Variants in SMARCAL1 observed in about 807,000 individuals in gnomAD.
SMARCAL1 encodes the protein ATP-driven annealing helicase.
In SMARCAL1, 58 loss-of-function variants were observed where a neutral mutation model predicts 94.5. The ratio of observed to expected loss-of-function variants is 0.61; its 90% CI spans 0.50 to 0.76. SMARCAL1 has a LOEUF of 0.76. Ranked by LOEUF, SMARCAL1 falls within the 30% of genes least tolerant of loss-of-function variation. The pLI, the probability that SMARCAL1 is intolerant of heterozygous loss-of-function variation, is 0.00. For missense variants in SMARCAL1, 1,051 were observed against 1,177.9 expected, an observed-to-expected ratio of 0.89 and a Z score of 1.58; for synonymous variants, 422 against 455.1, an observed-to-expected ratio of 0.93 and a Z score of 0.93.
chr2:216,428,628 C>G lies in SMARCAL1; in HGVS notation c.1180C>G (p.Leu394Val). ...GGTGCGCTGCCTCCCACAAGTTCAG[C>G]TGGACCCTCTGCCCACGACTCTCAC... ...AKVRCLPQVQ[L>V]DPLPTTLTLA... The change falls in exon 7 of 18, where the codon CTG (leucine) becomes GTG (valine). Residue 394 changes from leucine to valine, a missense_variant. Physicochemically the swap from Leu to Val is conservative, Grantham distance 32 (BLOSUM62 1). Around this residue, in one of 3 missense-constraint regions of SMARCAL1, gnomAD observed 642 missense variants for 754.7 expected, o/e 0.85. Coordinates refer to ENST00000357276, the MANE Select transcript of SMARCAL1 (RefSeq NM_014140.4). 1.2e-6 allele frequency: 2 copies of G among 1,614,122 alleles called. No individual in the cohort carries two copies. The highest frequency in any genetic ancestry group is 1.7e-6 in the Non-Finnish European group (2 of 1,180,036).
In SMARCAL1 at chr2:216,482,849, G is replaced by T; in HGVS notation, c.2737G>T (p.Gly913Ter). 1 of 1,614,198 alleles carries T rather than the reference G, an allele frequency of 6.2e-7. No homozygotes were observed. The highest frequency in any genetic ancestry group is 8.5e-7 in the Non-Finnish European group (1 of 1,180,044). Residue 913 changes from glycine (G) to a stop codon, truncating the protein, a stop_gained, in exon 18 of 18, where the codon GGA (glycine) becomes TGA (stop). Transcript: ENST00000357276. LOFTEE classifies it low-confidence loss of function (END_TRUNC). This position sits in a 1 kb window ranked among gnomAD's most constrained non-coding sequence, Gnocchi z 4.3. ...AESFDPGSAS[G>*]TSGSSSQNMG... ...GTCCTTTGACCCAGGAAGTGCTTCAGGAACATCTGGAAGTAGTTCCCAGAA... is the reference window on the plus strand; with the variant it reads ...GTCCTTTGACCCAGGAAGTGCTTCATGAACATCTGGAAGTAGTTCCCAGAA...
chr2:216,453,527 A>G (rs377594573), intron 12 of SMARCAL1, among the ~76,000 whole-genome samples: 68 of 152,348 alleles, frequency 4.5e-4, no homozygotes, highest in African/African-American at 1.3e-3. Context: ...TCATTGCTCT[A>G]ACTTAATTCA....
In SMARCAL1 at chr2:216,414,887, T is replaced by C. The variant is rs1693552763; in HGVS notation, c.183T>C (p.Ser61=). The change falls in exon 3 of 18, where the codon TCT becomes TCC. Residue 61 remains serine, a synonymous_variant. Coordinates refer to ENST00000357276, the MANE Select transcript of SMARCAL1 (RefSeq NM_014140.4). ...CATCCCAAAATTTCCCAAGGGAGTC[T>C]TGTAAGCCAGTGAGCCATGGTGTCA... ...QGPSQNFPRE[S]CKPVSHGVIF... 6.2e-7 allele frequency: 1 copy of C among 1,614,224 alleles called. No homozygotes were observed. Among genetic ancestry groups the C allele is most frequent in the Admixed American group, 1.7e-5 (1 of 60,022 alleles).
Position 216,482,990 on chromosome 2 carries a change from G to GAAAAAAAAAA in SMARCAL1, c.*20_*21insAAAAAAAAAA. ...GTCTCCCCTGTAAAAGGGGCAAAAA[G>GAAAAAAAAAA]AAAAAAATAAAAAGCATTTTAAAAT... On this transcript the variant is annotated 3_prime_UTR_variant, in exon 18 of 18. Transcript: ENST00000357276. The surrounding 1 kb of genome is among the most constrained non-coding windows in gnomAD (Gnocchi z 4.3). 6.2e-7 allele frequency: 1 copy of GAAAAAAAAAA among 1,606,858 alleles called. No individual in the cohort carries two copies. Among genetic ancestry groups the GAAAAAAAAAA allele is most frequent in the South Asian group, 1.1e-5 (1 of 89,396 alleles).
chr2:216,477,233 G>A, intron 16 of SMARCAL1, 24 bp downstream of exon 16: 2 of 1,522,476 alleles, frequency 1.3e-6, no homozygotes, highest in Non-Finnish European at 1.8e-6. Context: ...GGGTGGCCTG[G>A]CAGTTGGAGT....
chr2:216,477,484 G>A (rs950474421), intron 16 of SMARCAL1, among the ~76,000 whole-genome samples: 1 of 152,176 alleles, frequency 6.6e-6, no homozygotes, highest in African/African-American at 2.4e-5. Context: ...GAGAAGTGCT[G>A]ATTATGACAA....
intron 13 of SMARCAL1, among the ~76,000 whole-genome samples, chr2:216,465,874 A>G (rs1342436866): frequency 6.6e-6 from 1 of 151,726 alleles, no homozygotes; most frequent in Non-Finnish European, 1.5e-5. Context: ...ACCTCTCCAC[A>G]CCCTCCACTG....
Position 216,420,534 on chromosome 2 carries a change from C to T in SMARCAL1, c.1096+2C>T. ...AACAGATGGATTCCAGAAGATATGG[C>T]AAGTAATTGGTCTTTGTCTGATTCC... On this transcript the variant is annotated splice_donor_variant, in intron 5 of 17. Transcript: ENST00000357276. LOFTEE classifies it low-confidence loss of function (GC_TO_GT_DONOR). The T allele has an allele frequency of 6.2e-7, 1 of 1,606,364 alleles. No individual in the cohort carries two copies. Among genetic ancestry groups the T allele is most frequent in the Non-Finnish European group, 8.5e-7 (1 of 1,172,896 alleles).
rs1167911867 is a variant in SMARCAL1, at chr2:216,415,065, G to A, written c.361G>A (p.Gly121Arg). 1.2e-6 allele frequency: 2 copies of A among 1,614,076 alleles called. No homozygotes were observed. Among genetic ancestry groups the A allele is most frequent in the Non-Finnish European group, 1.7e-6 (2 of 1,180,050 alleles). The change falls in exon 3 of 18, where the codon GGA becomes AGA. Residue 121 changes from glycine (G) to arginine (R), a missense_variant. This residue lies in a region of SMARCAL1 where 398 missense variants were observed against 395.2 expected (regional missense o/e 1.01). Transcript: ENST00000357276. ...HSPRSQMALT[G>R]ISPPLAQSPP... Reference sequence around the variant, plus strand: ...TCCACGTAGTCAAATGGCTCTCACTGGAATCTCTCCTCCCTTGGCACAAAG... The same window carrying A: ...TCCACGTAGTCAAATGGCTCTCACTAGAATCTCTCCTCCCTTGGCACAAAG...
intron 4 of SMARCAL1, among the ~76,000 whole-genome samples, chr2:216,416,612 C>T (rs1358626533): frequency 6.6e-6 from 1 of 152,192 alleles, no homozygotes; most frequent in Non-Finnish European, 1.5e-5. Flanking sequence ...AACTGAGGCC[C>T]AGGGACGATG....
chr2:216,474,901 T>C (rs1227578007), intron 14 of SMARCAL1, among the ~76,000 whole-genome samples: 1 of 152,130 alleles, frequency 6.6e-6, no homozygotes, highest in Admixed American at 6.5e-5. Context: ...GAGGTGAATA[T>C]ATGAAAACCT....
chr2:216,470,416 A>G (rs1694937379), intron 14 of SMARCAL1, among the ~76,000 whole-genome samples: 1 of 152,106 alleles, frequency 6.6e-6, no homozygotes, highest in Non-Finnish European at 1.5e-5. Flanking sequence ...CAGCCTCTCA[A>G]AATGCTGGGA....
At chr2:216,416,125 A>G (rs1224417198) in intron 3 of SMARCAL1, 132 bp from the exon 4 acceptor site, 1 of 770,340 alleles carries the variant, frequency 1.3e-6, no homozygotes, top group African/African-American at 1.7e-5. Context: ...AGAGATTTTT[A>G]TAGATCAGTG....
chr2:216,466,777 T>G (rs1156675797), intron 13 of SMARCAL1, among the ~76,000 whole-genome samples: 1 of 152,188 alleles, frequency 6.6e-6, no homozygotes, highest in Non-Finnish European at 1.5e-5. Flanking sequence ...TTTGCTTATA[T>G]CATGGCAAAT....
chr2:216,418,296 A>T (rs912111775), intron 4 of SMARCAL1, among the ~76,000 whole-genome samples: 1 of 152,200 alleles, frequency 6.6e-6, no homozygotes, highest in Non-Finnish European at 1.5e-5. Flanking sequence ...TATACTTCTC[A>T]ATGAAGCTCA....
rs1694396433 is a variant in SMARCAL1 at position 216,449,423 on chromosome 2, T to C, written c.1852-1423T>C. Among the ~76,000 whole-genome samples, 3 of 151,880 alleles carry C rather than the reference T, an allele frequency of 2.0e-5. 1 individual carries two copies. In the South Asian group the frequency reaches 6.2e-4, roughly 32 times the overall value. Reference sequence around the variant, plus strand: ...TTTCTTTTTCTTTTTGCCAGCTTCATGCATTAAGAAACCACTGAAAAGAGA... The same window carrying C: ...TTTCTTTTTCTTTTTGCCAGCTTCACGCATTAAGAAACCACTGAAAAGAGA... On this transcript the variant is annotated intron_variant, in intron 11 of 17. Transcript: ENST00000357276.
chr2:216,458,061 C>T (rs184404337), intron 12 of SMARCAL1, among the ~76,000 whole-genome samples: 166 of 152,246 alleles, frequency 1.1e-3, no homozygotes, highest in African/African-American at 2.9e-3. Flanking sequence ...AACACCTCTA[C>T]GCAAGTAAAC....
intron 13 of SMARCAL1, among the ~76,000 whole-genome samples, chr2:216,466,667 G>A (rs1694835859): frequency 6.6e-6 from 1 of 152,160 alleles, no homozygotes; most frequent in Non-Finnish European, 1.5e-5. Flanking sequence ...AGATATAGAG[G>A]GGAAAGACGC....
At chr2:216,466,071 G>A (rs1009005669) in intron 13 of SMARCAL1, among the ~76,000 whole-genome samples, 2 of 152,140 alleles carry the variant, frequency 1.3e-5, no homozygotes, top group Non-Finnish European at 2.9e-5. Context: ...TGCCCCCGCT[G>A]ACCCATTTCT....
Sources: gnomAD v4.1 joint callset for allele counts (sites outside exome capture counted in the v4.1 genomes callset) on GRCh38, gnomAD v4.1.1 for gene constraint, gnomAD v4.1.1 regional missense constraint, Gnocchi (gnomAD v3.1) non-coding constraint, MANE v1.5 for transcripts, NCBI Gene and HGNC (gene_info 2026-07-23, HGNC 2026-07-21) for gene names.